The following EPSTI1 variants were observed in gnomAD, a reference collection of about 807,000 sequenced individuals.
EPSTI1 encodes the protein epithelial-stromal interaction protein 1.
In EPSTI1, 66 loss-of-function variants were observed where a neutral mutation model predicts 49.9. The observed-to-expected ratio is 1.32, with a 90% CI of 1.08 to 1.62. The LOEUF (loss-of-function observed/expected upper bound fraction) is 1.62, where lower values mean the gene tolerates loss of function less well. Among genes scored for constraint, EPSTI1 ranks in the 40% most tolerant of loss-of-function variants. The pLI, the probability that EPSTI1 is intolerant of heterozygous loss-of-function variation, is 0.00. For missense variants in EPSTI1, 394 were observed against 365.5 expected, an observed-to-expected ratio of 1.08 and a Z score of -0.64; for synonymous variants, 137 against 130.7, an observed-to-expected ratio of 1.05 and a Z score of -0.33.
chr13:42,928,646 A>G (rs2038262970), intron 6 of EPSTI1, among the ~76,000 whole-genome samples: 1 of 152,216 alleles, frequency 6.6e-6, no homozygotes, highest in South Asian at 2.1e-4. Flanking sequence ...GTTGATTTCT[A>G]TGGCATATCC....
chr13:42,953,148 G>A (rs1410996441), intron 6 of EPSTI1, among the ~76,000 whole-genome samples: 3 of 151,852 alleles, frequency 2.0e-5, no homozygotes, highest in African/African-American at 7.3e-5. Flanking sequence ...TCTGTAAGAA[G>A]GATCATTTCA....
intron 6 of EPSTI1, among the ~76,000 whole-genome samples, chr13:42,931,498 C>T (rs968739985): frequency 1.4e-4 from 22 of 152,232 alleles, no homozygotes; most frequent in African/African-American, 5.1e-4. Context: ...AGCCACCGCG[C>T]CCGGCCTTGC....
chr13:42,889,375 A>G (rs984167358), intron 10 of EPSTI1: 1 of 570,454 alleles, frequency 1.8e-6, no homozygotes, highest in Non-Finnish European at 2.9e-6. Context: ...CACCTAACAT[A>G]CACACTTATT....
At chr13:42,979,272 C>A (rs1482202047) in intron 1 of EPSTI1, among the ~76,000 whole-genome samples, 1 of 152,136 alleles carries the variant, frequency 6.6e-6, no homozygotes, top group African/African-American at 2.4e-5. Context: ...TGTATTTCCC[C>A]CAATGTTTTA....
chr13:42,987,694 A>G (rs1185030617), intron 1 of EPSTI1, among the ~76,000 whole-genome samples: 1 of 152,182 alleles, frequency 6.6e-6, no homozygotes, highest in Admixed American at 6.5e-5. Context: ...CCCTGCTTTA[A>G]AGTATACATA....
At chr13:42,977,010 G>A (rs2039894727) in intron 1 of EPSTI1, among the ~76,000 whole-genome samples, 1 of 152,114 alleles carries the variant, frequency 6.6e-6, no homozygotes, top group Admixed American at 6.6e-5. Context: ...TGATATTGGT[G>A]CATCATATAA....
chr13:42,991,718 C>T (rs1478006949), intron 1 of EPSTI1, among the ~76,000 whole-genome samples: 1 of 152,238 alleles, frequency 6.6e-6, no homozygotes, highest in African/African-American at 2.4e-5. Flanking sequence ...TCTTTCAATC[C>T]TGTAGCCAGT....
chr13:42,970,663 C>T lies in EPSTI1; in HGVS notation c.196G>A (p.Ala66Thr). Residue 66 changes from alanine to threonine, a missense_variant, in exon 2 of 11, where the codon GCA (alanine) becomes ACA (threonine). Ala to Thr is a moderately conservative substitution (Grantham distance 58, BLOSUM62 0). Coordinates refer to ENST00000313624, the MANE Select transcript of EPSTI1 (RefSeq NM_033255.5). ...VVHAGQRRTS[A>T]YTLIAPNINR... Reference sequence around the variant, plus strand: ...ATATTTGGTGCTATCAAGGTGTATGCACTTGTGCTAAAAGGAAGAGAAAAA... The same window carrying T: ...ATATTTGGTGCTATCAAGGTGTATGTACTTGTGCTAAAAGGAAGAGAAAAA... The T allele has an allele frequency of 6.2e-7, 1 of 1,604,934 alleles. No homozygotes were observed. The highest frequency in any genetic ancestry group is 2.2e-5 in the East Asian group (1 of 44,570).
intron 3 of EPSTI1, 140 bp downstream of exon 3, chr13:42,968,951 CACA>C (rs1190174852): frequency 0.011 from 7,126 of 667,562 alleles, 242 homozygotes; most frequent in Middle Eastern, 0.018. Context: ...CACACACACA[CACA>C]ATTAAATGCA....
rs562438490 is a variant in EPSTI1, at chr13:42,936,667, T to G, written c.564-10238A>C. 1.4e-3 allele frequency among the ~76,000 whole-genome samples: 212 copies of G among 152,374 alleles called. 2 individuals carry two copies. Among genetic ancestry groups the G allele is most frequent in the African/African-American group, 4.9e-3 (205 of 41,590 alleles). On this transcript the variant is annotated intron_variant, in intron 6 of 10. Transcript: ENST00000313624. Reference sequence around the variant, plus strand: ...TTTCATCTTAAGTGACTTTGTCCACTTTTATGGCTTTATATTTACATGCTA... The same window carrying G: ...TTTCATCTTAAGTGACTTTGTCCACGTTTATGGCTTTATATTTACATGCTA...
chr13:42,956,116 T>C (rs1810288423), intron 5 of EPSTI1, among the ~76,000 whole-genome samples: 1 of 152,070 alleles, frequency 6.6e-6, no homozygotes, highest in Admixed American at 6.5e-5. Flanking sequence ...CAAATAACAG[T>C]AAGAATGCAG....
At chr13:42,981,034 A>G (rs9533332) in intron 1 of EPSTI1, among the ~76,000 whole-genome samples, 23,840 of 152,088 alleles carry the variant, frequency 0.16, 2,271 homozygotes, top group African/African-American at 0.26. Flanking sequence ...GGGCAATACT[A>G]GCCCTTGAGT....
At chr13:42,929,693 CAGCT>C (rs2038300209) in intron 6 of EPSTI1, among the ~76,000 whole-genome samples, 1 of 152,174 alleles carries the variant, frequency 6.6e-6, no homozygotes, top group Non-Finnish European at 1.5e-5. Context: ...GGTGGAGGGA[CAGCT>C]AGCTGTCTCT....
intron 3 of EPSTI1, among the ~76,000 whole-genome samples, chr13:42,967,415 T>C (rs992269331): frequency 1.3e-5 from 2 of 152,192 alleles, no homozygotes; most frequent in African/African-American, 2.4e-5. Context: ...CTGTTGTCCA[T>C]TGGCCACTGA....
chr13:42,992,039 C>A lies in EPSTI1; in HGVS notation c.127G>T (p.Gly43Cys). 4 of 1,613,526 alleles carry A rather than the reference C, an allele frequency of 2.5e-6. No individual in the cohort carries two copies. The highest frequency in any genetic ancestry group is 3.4e-6 in the Non-Finnish European group (4 of 1,180,042). ...ELSPVEDQRE[G>C]LEAAPKGPSR... is the part of the protein sequence containing the mutation. The stretch of plus-strand genomic sequence containing the variant: ...GGGCCCTTAGGGGCTGCCTCCAAAC[C>A]CTCTCTCTGGTCTTCCACGGGGCTC... The change falls in exon 1 of 11, where the codon GGT (glycine) becomes TGT (cysteine). Residue 43 changes from glycine (G) to cysteine (C), a missense_variant. By Grantham distance (159) the Gly-to-Cys change is radical. Coordinates refer to ENST00000313624, the MANE Select transcript of EPSTI1 (RefSeq NM_033255.5).
At chr13:42,925,588 T>C (rs1037980434) in intron 7 of EPSTI1, among the ~76,000 whole-genome samples, 2 of 152,206 alleles carry the variant, frequency 1.3e-5, no homozygotes, top group Admixed American at 6.5e-5. Flanking sequence ...GGTAACACCA[T>C]TGGGAAAGGG....
chr13:42,982,057 G>A (rs2039996103), intron 1 of EPSTI1, among the ~76,000 whole-genome samples: 1 of 152,138 alleles, frequency 6.6e-6, no homozygotes, highest in Non-Finnish European at 1.5e-5. Flanking sequence ...ATAGGGGCTG[G>A]GTAAAATAAA....
intron 8 of EPSTI1, among the ~76,000 whole-genome samples, chr13:42,906,825 C>T (rs1342749944): frequency 6.6e-6 from 1 of 151,736 alleles, no homozygotes; most frequent in Non-Finnish European, 1.5e-5. Context: ...TGTACACTCT[C>T]CCCTTACTAT....
chr13:42,899,415 C>T (rs1347978117), intron 9 of EPSTI1, among the ~76,000 whole-genome samples: 2 of 152,090 alleles, frequency 1.3e-5, no homozygotes, highest in Admixed American at 1.3e-4. Context: ...TGACTGGACT[C>T]TGGGGACAAC....
Sources: gnomAD v4.1 joint callset for allele counts (sites outside exome capture counted in the v4.1 genomes callset) on GRCh38, gnomAD v4.1.1 for gene constraint, MANE v1.5 for transcripts, NCBI Gene and HGNC (gene_info 2026-07-23, HGNC 2026-07-21) for gene names.